The following RGS3 variants were observed in gnomAD, a reference collection of about 807,000 sequenced individuals.
RGS3 encodes regulator of G-protein signalling 3.
Under a neutral mutation model 132.6 loss-of-function variants are expected in RGS3, and 80 were observed. The observed-to-expected ratio is 0.60, with a 90% CI of 0.50 to 0.73. RGS3 has a LOEUF of 0.73. RGS3 is among the 30% of genes least tolerant of loss of function. RGS3 has a pLI of 0.00. For missense variants in RGS3, 1,382 were observed against 1,530.8 expected (o/e 0.90, Z 1.62); for synonymous variants, 598 against 620.6 (o/e 0.96, Z 0.54).
At position 113,579,415 on chromosome 9, in the gene RGS3, G is replaced by A. The variant is rs1221109472; in HGVS notation, c.2038-4035G>A. On this transcript the variant is annotated intron_variant, in intron 19 of 24. Coordinates refer to ENST00000350696, the Ensembl canonical transcript of RGS3. The surrounding 1 kb of genome is among the most constrained non-coding windows in gnomAD (Gnocchi z 4.3). ...CCTAAACAGTGACTCCATTTAGAGG[G>A]CCTGGTTCATTTCCTGTGTGCTTAC... Among the ~76,000 whole-genome samples, 2 of 152,180 alleles carry A rather than the reference G, an allele frequency of 1.3e-5. No homozygotes were observed. Among genetic ancestry groups the A allele is most frequent in the Non-Finnish European group, 2.9e-5 (2 of 68,026 alleles).
intron 19 of RGS3, among the ~76,000 whole-genome samples, chr9:113,564,084 T>C (rs1329277976): frequency 1.3e-5 from 2 of 152,188 alleles, no homozygotes; most frequent in African/African-American, 4.8e-5. Context: ...TTTGTCAACA[T>C]CATGACAAAC....
chr9:113,488,532 A>G (rs1201574927), intron 7 of RGS3, among the ~76,000 whole-genome samples: 1 of 152,216 alleles, frequency 6.6e-6, no homozygotes, highest in African/African-American at 2.4e-5. Context: ...AGAGAGGCAT[A>G]TGGACGCCCA....
rs1443800557 is a variant in RGS3 at position 113,579,746 on chromosome 9, G to A, written c.2038-3704G>A. Among the ~76,000 whole-genome samples the A allele has an allele frequency of 1.3e-5, 2 of 152,216 alleles. No individual in the cohort carries two copies. Among genetic ancestry groups the A allele is most frequent in the African/African-American group, 4.8e-5 (2 of 41,460 alleles). ...TTCTACTTAACTGAGGGCAGAGATT[G>A]TGTCTGACTTGTTCCCTGCCGTCCT... On this transcript the variant is annotated intron_variant, in intron 19 of 24. Transcript: ENST00000350696. The surrounding 1 kb of genome is among the most constrained non-coding windows in gnomAD (Gnocchi z 4.3).
chr9:113,578,763 G>T (rs904910826), intron 19 of RGS3, among the ~76,000 whole-genome samples: 2 of 152,232 alleles, frequency 1.3e-5, no homozygotes, highest in African/African-American at 4.8e-5. Flanking sequence ...CATCTTGAAA[G>T]CCTGGGGGTC....
At chr9:113,593,890 C>G in intron 21 of RGS3, 1 of 1,564,662 alleles carries the variant, frequency 6.4e-7, no homozygotes, top group South Asian at 1.2e-5. Flanking sequence ...TGACTTGTCC[C>G]CCACCCCCCA....
chr9:113,495,587 C>G (rs924074969), intron 7 of RGS3, among the ~76,000 whole-genome samples, 199 bp from the exon 6 acceptor site: 2 of 152,194 alleles, frequency 1.3e-5, no homozygotes, highest in South Asian at 2.1e-4. Context: ...CTCTGAGTCT[C>G]CATTTTTCCC....
At chr9:113,457,448 C>T (rs1400527837), upstream of RGS3, among the ~76,000 whole-genome samples, 2 of 152,168 alleles carry the variant, frequency 1.3e-5, no homozygotes, top group African/African-American at 2.4e-5. Context: ...CTATAAACTC[C>T]ATCTTTTTCA....
At chr9:113,557,557 G>C (rs1029431663) in intron 19 of RGS3, among the ~76,000 whole-genome samples, 1 of 152,204 alleles carries the variant, frequency 6.6e-6, no homozygotes, top group Non-Finnish European at 1.5e-5. Flanking sequence ...GAGAGGGAAG[G>C]CTAGTTCCTC....
intron 7 of RGS3, among the ~76,000 whole-genome samples, chr9:113,486,843 G>A (rs1188155964): frequency 6.6e-6 from 1 of 152,120 alleles, no homozygotes; most frequent in African/African-American, 2.4e-5. Flanking sequence ...TTTTAATAAA[G>A]TATCCACTTT....
In RGS3 at chr9:113,516,787, C is replaced by T. The variant is rs149231779; in HGVS notation, c.1675-754C>T. ...TCACAGCTCACTGTAACCTCAAGCT[C>T]CTGGCCTCAAATGATCCTTCCACCT... On this transcript the variant is annotated intron_variant, in intron 15 of 24. Coordinates refer to ENST00000350696, the Ensembl canonical transcript of RGS3. 1.2e-3 allele frequency among the ~76,000 whole-genome samples: 178 copies of T among 152,276 alleles called. 3 individuals carry two copies. The East Asian group carries it at 0.027, about 23-fold the overall frequency.
chr9:113,469,020 G>T (rs1335577639), intron 3 of RGS3, among the ~76,000 whole-genome samples: 1 of 151,580 alleles, frequency 6.6e-6, no homozygotes, highest in Non-Finnish European at 1.5e-5. Context: ...GTAGACTTAG[G>T]AGTGTCATTG....
chr9:113,592,120 C>T (rs1588303165), intron 21 of RGS3: 2 of 152,388 alleles, frequency 1.3e-5, no homozygotes, highest in East Asian at 3.9e-4. Context: ...AGGGAGGAGC[C>T]TCCTGCAACC....
intron 19 of RGS3, among the ~76,000 whole-genome samples, chr9:113,561,026 C>G (rs939435871): frequency 6.6e-6 from 1 of 152,092 alleles, no homozygotes. Context: ...CTCTCTCTTT[C>G]TCTTTTTTTC....
At position 113,593,802 on chromosome 9, in the gene RGS3, G is replaced by T; in HGVS notation, c.3081-628G>T. ...CCGGCAAGGCTAAAAATGGTTCTTG[G>T]CTAAAAATAGCCAGTCCTGCCACCC... On this transcript the variant is annotated intron_variant, in intron 21 of 24. Transcript: ENST00000350696. 10 of 1,007,380 alleles carry T rather than the reference G, an allele frequency of 9.9e-6. No homozygotes were observed. The South Asian group carries it at 1.6e-4, about 16-fold the overall frequency. 62.4% of individuals were successfully genotyped at this position (1,007,380 alleles called of 1,614,324 possible). A position where few individuals can be genotyped will look rare whatever the true frequency, so the allele number is the denominator to read the frequency against.
chr9:113,488,622 A>G (rs1334040926), intron 7 of RGS3, among the ~76,000 whole-genome samples: 1 of 152,158 alleles, frequency 6.6e-6, no homozygotes, highest in East Asian at 1.9e-4. Context: ...TGGAAAAGAA[A>G]ATGAGGCCAG....
At chr9:113,479,277 A>G (rs1272520865) in intron 3 of RGS3, 2 of 600,188 alleles carry the variant, frequency 3.3e-6, no homozygotes, top group Non-Finnish European at 6.0e-6. Flanking sequence ...GCAAGGCTAG[A>G]GAACCACTGC....
At chr9:113,515,954 C>T (rs570241492) in intron 15 of RGS3, among the ~76,000 whole-genome samples, 6 of 152,296 alleles carry the variant, frequency 3.9e-5, no homozygotes, top group East Asian at 1.9e-4. Flanking sequence ...AAAATCCTTG[C>T]GCATGGATTG....
intron 15 of RGS3, 57 bp from the exon 14 acceptor site, chr9:113,517,484 C>A (rs1482034786): frequency 3.5e-6 from 5 of 1,431,280 alleles, no homozygotes; most frequent in South Asian, 1.1e-5. Context: ...GCTTCCTCCC[C>A]CCGGGTCCTC....
intron 19 of RGS3, chr9:113,541,935 G>A: frequency 1.1e-6 from 1 of 921,236 alleles, no homozygotes; most frequent in Non-Finnish European, 1.3e-6. Context: ...GGGATACTGT[G>A]GAGAAAAAGT....
Sources: gnomAD v4.1 joint callset for allele counts (sites outside exome capture counted in the v4.1 genomes callset) on GRCh38, gnomAD v4.1.1 for gene constraint, Gnocchi (gnomAD v3.1) non-coding constraint, MANE v1.5 for transcripts, NCBI Gene and HGNC (gene_info 2026-07-23, HGNC 2026-07-21) for gene names.